The following RECQL5 variants were observed in gnomAD, a reference collection of about 807,000 sequenced individuals.
RECQL5 encodes ATP-dependent DNA helicase Q5.
Under a neutral mutation model 103.4 loss-of-function variants are expected in RECQL5, and 88 were observed. That is an observed-to-expected ratio of 0.85 (90% CI 0.72 to 1.02). RECQL5 has a LOEUF of 1.02. RECQL5 is among the 50% of genes least tolerant of loss of function. RECQL5 has a pLI of 0.00. For synonymous variants in RECQL5, 552 were observed against 507.9 expected, an observed-to-expected ratio of 1.09 and a Z score of -1.17; for missense variants, 1,232 against 1,284.3, an observed-to-expected ratio of 0.96 and a Z score of 0.62.
At chr17:75,635,391 G>A (rs1227944266) in intron 8 of RECQL5, among the ~76,000 whole-genome samples, 1 of 152,166 alleles carries the variant, frequency 6.6e-6, no homozygotes, top group African/African-American at 2.4e-5. Flanking sequence ...GAGTGGACAG[G>A]GTCTCTCCAA....
Position 75,660,957 on chromosome 17 carries a change from GAC to G in RECQL5, c.982_983del (p.Val328GlnfsTer39). On this transcript the variant is annotated frameshift_variant, in exon 6 of 20. Coordinates refer to ENST00000317905, the MANE Select transcript of RECQL5 (RefSeq NM_004259.7). LOFTEE classifies it high-confidence loss of function. ...SFGMGVDKAN[V>X]RFVAHWNIAK... ...GCAGGGCAAGAACCAAAGCTCACCT[GAC>G]ATTGGCTTTATCCACTCCCATCCCA... is the stretch of plus-strand genomic sequence containing the variant. 2 of 1,609,432 alleles carry G rather than the reference GAC, an allele frequency of 1.2e-6. No individual in the cohort carries two copies. The highest frequency in any genetic ancestry group is 8.5e-7 in the Non-Finnish European group (1 of 1,175,642).
intron 8 of RECQL5, among the ~76,000 whole-genome samples, chr17:75,644,122 G>A (rs1021179071): frequency 3.3e-5 from 5 of 152,188 alleles, no homozygotes; most frequent in African/African-American, 1.2e-4. Context: ...TGACCAACAT[G>A]GTGAAACCTG....
In RECQL5 at chr17:75,647,369, A is replaced by G. The variant is rs763834969; in HGVS notation, c.1229+3817T>C. 1.1e-5 allele frequency: 17 copies of G among 1,544,968 alleles called. No homozygotes were observed. The South Asian group carries it at 2.0e-4, about 19-fold the overall frequency. On this transcript the variant is annotated intron_variant, in intron 8 of 19. Transcript: ENST00000317905. ...CTCAGGTCCTCTGTCCCTCTTTTCC[A>G]GATTCTCATGGACCAACTGGTATTC...
At chr17:75,656,136 G>A (rs759499493) in intron 7 of RECQL5, among the ~76,000 whole-genome samples, 2 of 152,082 alleles carry the variant, frequency 1.3e-5, no homozygotes, top group African/African-American at 2.4e-5. Flanking sequence ...ATGCAATGGC[G>A]CGATCTCGGC....
At chr17:75,630,147 C>T in intron 14 of RECQL5, 37 bp downstream of exon 14, 2 of 1,501,132 alleles carry the variant, frequency 1.3e-6, no homozygotes, top group Non-Finnish European at 1.8e-6. Flanking sequence ...TGGAGGGGCC[C>T]CTGCAACGAC....
At chr17:75,666,382 G>T in intron 2 of RECQL5, 46 bp downstream of exon 2, 1 of 1,609,924 alleles carries the variant, frequency 6.2e-7, no homozygotes, top group Non-Finnish European at 8.5e-7. Context: ...GCAGCGTTAT[G>T]GTATAGCCAG....
intron 8 of RECQL5, among the ~76,000 whole-genome samples, chr17:75,645,369 C>CAAACTCCAACTCAGTTACTTACT (rs1293687854): frequency 2.0e-5 from 3 of 152,206 alleles, no homozygotes; most frequent in African/African-American, 7.2e-5. Flanking sequence ...CTGCTGGATT[C>CAAACTCCAACTCAGTTACTTACT]AAACTCCAAC....
In RECQL5 at chr17:75,629,094, G is replaced by A; in HGVS notation, c.2329C>T (p.Leu777=). The change falls in exon 16 of 20, where the codon CTG becomes TTG. Residue 777 remains leucine, a synonymous_variant. Transcript: ENST00000317905. The part of the protein sequence containing the change: ...FFCRRVESPA[L]LASAPEAEGA... ...TCTGCCTCTGGGGCTGATGCCAGCA[G>A]AGCTGGGCTTTCCACCCTTCGGCAG... 1 of 1,613,664 alleles carries A rather than the reference G, an allele frequency of 6.2e-7. No individual in the cohort carries two copies. Among genetic ancestry groups the A allele is most frequent in the Non-Finnish European group, 8.5e-7 (1 of 1,179,960 alleles).
At chr17:75,635,784 G>A (rs1264926438) in intron 8 of RECQL5, 3 of 985,268 alleles carry the variant, frequency 3.0e-6, no homozygotes, top group Non-Finnish European at 3.6e-6. Context: ...GCCCTCTGGG[G>A]CCCCGCGCTG....
intron 7 of RECQL5, among the ~76,000 whole-genome samples, chr17:75,652,131 G>A (rs977056983): frequency 2.6e-5 from 4 of 152,102 alleles, no homozygotes; most frequent in African/African-American, 9.7e-5. Context: ...GGAGGCTGAG[G>A]CAGGAGAATC....
intron 7 of RECQL5, among the ~76,000 whole-genome samples, chr17:75,653,263 T>C (rs1222910573): frequency 6.6e-6 from 1 of 152,224 alleles, no homozygotes; most frequent in African/African-American, 2.4e-5. Context: ...CAGGCTCACC[T>C]TGGGCCAGGA....
chr17:75,652,915 C>G (rs2059573274), intron 7 of RECQL5, among the ~76,000 whole-genome samples: 1 of 152,240 alleles, frequency 6.6e-6, no homozygotes, highest in Admixed American at 6.5e-5. Flanking sequence ...AAACTGTTTT[C>G]TCATCTCCAC....
chr17:75,656,468 T>TTTTTTTTTTCTA (rs1426717360), intron 7 of RECQL5, among the ~76,000 whole-genome samples: 1 of 151,402 alleles, frequency 6.6e-6, no homozygotes, highest in Non-Finnish European at 1.5e-5. Flanking sequence ...TAAATTAAGT[T>TTTTTTTTTTCTA]TTTTTTTTGT....
chr17:75,651,127 G>T, intron 8 of RECQL5, 59 bp downstream of exon 8: 1 of 1,613,620 alleles, frequency 6.2e-7, no homozygotes, highest in South Asian at 1.1e-5. Flanking sequence ...ACTAGGGCGT[G>T]CCGGGGAAGT....
intron 8 of RECQL5, chr17:75,647,712 C>T: frequency 9.3e-6 from 7 of 754,076 alleles, no homozygotes; most frequent in South Asian, 1.9e-5. Flanking sequence ...TAGTAAAATA[C>T]TGTATCTGGC....
chr17:75,665,480 A>C (rs1385608988), intron 2 of RECQL5, among the ~76,000 whole-genome samples: 1 of 152,092 alleles, frequency 6.6e-6, no homozygotes, highest in Non-Finnish European at 1.5e-5. Flanking sequence ...TCACGAGGGC[A>C]AGAGTTTGAG....
In RECQL5 at chr17:75,630,482, T is replaced by C. The variant is rs189906005; in HGVS notation, c.1718+137A>G. 171 of 1,014,300 alleles carry C rather than the reference T, an allele frequency of 1.7e-4. No individual in the cohort carries two copies. The Admixed American group carries it at 3.5e-3, about 21-fold the overall frequency. 62.8% of individuals were successfully genotyped at this position (1,014,300 alleles called of 1,614,324 possible). ...GCCATGCCTGGCCCTGGTGGGGTTG[T>C]AGGGGCAGTCCCCTGGAGTAGGAGA... On this transcript the variant is annotated intron_variant, in intron 13 of 19. Coordinates refer to ENST00000317905, the MANE Select transcript of RECQL5 (RefSeq NM_004259.7).
rs754838947 is a variant in RECQL5 at position 75,629,754 on chromosome 17, G to A, written c.1901C>T (p.Pro634Leu). 6.2e-6 allele frequency: 10 copies of A among 1,613,260 alleles called. No homozygotes were observed. Among genetic ancestry groups the A allele is most frequent in the Admixed American group, 3.3e-5 (2 of 59,954 alleles). Residue 634 changes from proline (P) to leucine (L), a missense_variant, in exon 15 of 20, where the codon CCG becomes CTG. Physicochemically the swap from Pro to Leu is moderately conservative, Grantham distance 98 (BLOSUM62 -3). Coordinates refer to ENST00000317905, the MANE Select transcript of RECQL5 (RefSeq NM_004259.7). ...TGGAATGTCATACTCATTGGGCTCC[G>A]GGGGCTCAGCTTGGGCACTGCAGCT... ...AKSCSAQAEPPEPNEYDIPPA... is the reference protein window; with the variant it reads ...AKSCSAQAEPLEPNEYDIPPA...
At chr17:75,654,010 C>T (rs1486173688) in intron 7 of RECQL5, among the ~76,000 whole-genome samples, 5 of 152,172 alleles carry the variant, frequency 3.3e-5, no homozygotes, top group Admixed American at 6.5e-5. Flanking sequence ...TCATCCCCAC[C>T]AATACACACA....
Sources: allele counts gnomAD v4.1 joint callset (sites outside exome capture counted in the v4.1 genomes callset), GRCh38; gene constraint gnomAD v4.1.1; transcripts MANE v1.5; gene names NCBI Gene and HGNC (gene_info 2026-07-23, HGNC 2026-07-21).